Variants in PRKCE observed in about 807,000 individuals in gnomAD.
The protein encoded by PRKCE is protein kinase C epsilon.
PRKCE carries 16 observed loss-of-function variants against 85.4 expected under a neutral mutation model. The observed-to-expected ratio is 0.19, with a 90% CI of 0.13 to 0.28. PRKCE has a LOEUF of 0.28. Ranked by LOEUF, PRKCE falls within the 10% of genes least tolerant of loss-of-function variation. The pLI, the probability that PRKCE is intolerant of heterozygous loss-of-function variation, is 1.00. For missense variants in PRKCE, 573 were observed against 975.2 expected (o/e 0.59, Z 5.49); for synonymous variants, 388 against 371.5 (o/e 1.04, Z -0.51).
intron 7 of PRKCE, among the ~76,000 whole-genome samples, chr2:46,002,500 G>T (rs934280038): frequency 6.6e-6 from 1 of 152,196 alleles, no homozygotes; most frequent in African/African-American, 2.4e-5. Context: ...GAAGCTACCC[G>T]TGGCTCTTCC....
intron 1 of PRKCE, among the ~76,000 whole-genome samples, chr2:45,832,487 A>G (rs1332138945): frequency 6.6e-6 from 1 of 151,806 alleles, no homozygotes; most frequent in African/African-American, 2.4e-5. Flanking sequence ...TAATTTTTGT[A>G]TTTTTAGTAG....
intron 1 of PRKCE, among the ~76,000 whole-genome samples, chr2:45,729,504 G>T (rs1009677655): frequency 6.6e-6 from 1 of 152,040 alleles, no homozygotes; most frequent in African/African-American, 2.4e-5. Flanking sequence ...ATTACTTTCC[G>T]ATTCCTTTTC....
intron 1 of PRKCE, among the ~76,000 whole-genome samples, chr2:45,761,184 G>A (rs1455115473): frequency 6.6e-6 from 1 of 151,918 alleles, no homozygotes; most frequent in Admixed American, 6.6e-5. Context: ...AAAATTAGCC[G>A]AGTGTGGTGG....
At chr2:46,043,619 G>A (rs1708345769) in intron 10 of PRKCE, among the ~76,000 whole-genome samples, 2 of 152,214 alleles carry the variant, frequency 1.3e-5, no homozygotes, top group African/African-American at 4.8e-5. Context: ...TGTTTGGGCA[G>A]TGGGGATGTG....
intron 10 of PRKCE, among the ~76,000 whole-genome samples, chr2:46,085,930 A>C (rs1238487555): frequency 6.6e-6 from 1 of 152,148 alleles, no homozygotes; most frequent in Admixed American, 6.5e-5. Context: ...AAAATCAAAG[A>C]TCCAGGTCTC....
chr2:46,058,643 C>T (rs1010954462), intron 10 of PRKCE, among the ~76,000 whole-genome samples: 1 of 152,138 alleles, frequency 6.6e-6, no homozygotes, highest in Non-Finnish European at 1.5e-5. Context: ...GGCCTCGACA[C>T]TTCCAGTCTT....
intron 2 of PRKCE, among the ~76,000 whole-genome samples, chr2:45,885,460 C>G (rs1405156383): frequency 6.6e-6 from 1 of 152,166 alleles, no homozygotes; most frequent in Non-Finnish European, 1.5e-5. Context: ...GAAGCTGCTG[C>G]TATTAATTGG....
intron 2 of PRKCE, among the ~76,000 whole-genome samples, chr2:45,962,923 G>T (rs907375219): frequency 6.6e-6 from 1 of 152,124 alleles, no homozygotes; most frequent in Admixed American, 6.5e-5. Flanking sequence ...CAGAGTTTTG[G>T]TCAGTCTCAG....
At chr2:46,097,282 G>A (rs746949404) in intron 11 of PRKCE, among the ~76,000 whole-genome samples, 1 of 152,100 alleles carries the variant, frequency 6.6e-6, no homozygotes, top group Non-Finnish European at 1.5e-5. Flanking sequence ...ACTTTGGGAG[G>A]CCGAGGTGGG....
In PRKCE at chr2:46,022,097, T is replaced by C. The variant is rs145542347; in HGVS notation, c.1437+11580T>C. ...GGTAGGTGCAACCTATTCAGCTGTT[T>C]GGGTTCACATATGCCCTGTTGACGT... On this transcript the variant is annotated intron_variant, in intron 10 of 14. Coordinates refer to ENST00000306156, the MANE Select transcript of PRKCE (RefSeq NM_005400.3). 7.2e-4 allele frequency among the ~76,000 whole-genome samples: 109 copies of C among 152,342 alleles called. 1 individual carries two copies. In the East Asian group the frequency reaches 0.02, roughly 28 times the overall value.
chr2:45,716,479 C>G (rs1380327327), intron 1 of PRKCE, among the ~76,000 whole-genome samples: 4 of 151,048 alleles, frequency 2.6e-5, no homozygotes, highest in Non-Finnish European at 5.9e-5. Flanking sequence ...TTCTGGAGTT[C>G]CAGTGCACTC....
intron 11 of PRKCE, among the ~76,000 whole-genome samples, chr2:46,140,165 A>G (rs1300994876): frequency 6.6e-6 from 1 of 152,230 alleles, no homozygotes; most frequent in East Asian, 1.9e-4. Flanking sequence ...TTCACAATAA[A>G]GACATCACCA....
At chr2:45,935,329 A>T (rs761262416) in intron 2 of PRKCE, among the ~76,000 whole-genome samples, 1 of 152,214 alleles carries the variant, frequency 6.6e-6, no homozygotes, top group Non-Finnish European at 1.5e-5. Flanking sequence ...TTCACCAAAG[A>T]TAAGTGGGGC....
chr2:45,843,556 C>T (rs1395545654), intron 2 of PRKCE, among the ~76,000 whole-genome samples: 1 of 152,216 alleles, frequency 6.6e-6, no homozygotes, highest in Non-Finnish European at 1.5e-5. Flanking sequence ...GGTGAGGGAA[C>T]ATCTGCTCCC....
intron 10 of PRKCE, among the ~76,000 whole-genome samples, chr2:46,026,516 T>C (rs1429421053): frequency 1.3e-5 from 2 of 152,182 alleles, no homozygotes; most frequent in African/African-American, 4.8e-5. Context: ...CTACCAAAAG[T>C]GTCACTCTGA....
At chr2:46,143,696 G>T (rs1280252656) in intron 11 of PRKCE, among the ~76,000 whole-genome samples, 3 of 152,176 alleles carry the variant, frequency 2.0e-5, no homozygotes, top group Non-Finnish European at 4.4e-5. Context: ...ACACACAGTG[G>T]CCAGGGTGGG....
intron 2 of PRKCE, among the ~76,000 whole-genome samples, chr2:45,953,855 T>C (rs188900016): frequency 7.9e-4 from 120 of 152,332 alleles, no homozygotes; most frequent in Admixed American, 2.0e-3. Flanking sequence ...TGTGCAATAT[T>C]AGTCCTAATT....
At chr2:45,778,931 C>T (rs1685967588) in intron 1 of PRKCE, among the ~76,000 whole-genome samples, 1 of 152,204 alleles carries the variant, frequency 6.6e-6, no homozygotes, top group African/African-American at 2.4e-5. Flanking sequence ...TTTCACGTCT[C>T]CTTCTCATTC....
intron 1 of PRKCE, among the ~76,000 whole-genome samples, chr2:45,661,516 G>GTT (rs1270841370): frequency 2.8e-4 from 34 of 121,160 alleles, no homozygotes; most frequent in African/African-American, 4.8e-4. Context: ...GTTTTGTTTT[G>GTT]TTTTTTGTTT....
Sources: allele counts gnomAD v4.1 joint callset (sites outside exome capture counted in the v4.1 genomes callset), GRCh38; gene constraint gnomAD v4.1.1; transcripts MANE v1.5; gene names NCBI Gene and HGNC (gene_info 2026-07-23, HGNC 2026-07-21).